RAB28: variants seen among roughly 807,000 people sequenced by gnomAD.
The protein encoded by RAB28 is RAB28, member RAS oncogene family.
In RAB28, 24 loss-of-function variants were observed where a neutral mutation model predicts 31.7. That is an observed-to-expected ratio of 0.76 (90% CI 0.55 to 1.06). The LOEUF (loss-of-function observed/expected upper bound fraction) is 1.06. RAB28 is among the 50% of genes least tolerant of loss of function. RAB28 has a pLI of 0.00. For missense variants in RAB28, 254 were observed against 258.5 expected, an observed-to-expected ratio of 0.98 and a Z score of 0.12; for synonymous variants, 100 against 90.4, an observed-to-expected ratio of 1.11 and a Z score of -0.60.
intron 4 of RAB28, among the ~76,000 whole-genome samples, chr4:13,382,730 GCACTGT>G (rs1729187050): frequency 3.5e-5 from 4 of 114,002 alleles, no homozygotes; most frequent in Non-Finnish European, 6.7e-5. Context: ...ACAGAGTCTT[GCACTGT>G]CACCCGGGCT....
chr4:13,455,614 C>T (rs143051994), intron 4 of RAB28, among the ~76,000 whole-genome samples: 3 of 152,380 alleles, frequency 2.0e-5, no homozygotes, highest in Admixed American at 6.5e-5. Flanking sequence ...GCTTGACTCA[C>T]AAGGCGTGGG....
chr4:13,371,896 T>C (rs977076137), intron 6 of RAB28: 1 of 1,490,034 alleles, frequency 6.7e-7, no homozygotes, highest in Non-Finnish European at 9.2e-7. Context: ...TATGGGTGAA[T>C]ACAAGCTTAA....
chr4:13,474,718 C>T (rs1055352625), intron 2 of RAB28, among the ~76,000 whole-genome samples: 5 of 151,610 alleles, frequency 3.3e-5, no homozygotes, highest in East Asian at 3.9e-4. Flanking sequence ...TCTTAGAGAA[C>T]AGAATGAAGC....
intron 4 of RAB28, among the ~76,000 whole-genome samples, chr4:13,386,464 C>G (rs1376502039): frequency 6.6e-6 from 1 of 152,030 alleles, no homozygotes; most frequent in Non-Finnish European, 1.5e-5. Context: ...ACAGATACTT[C>G]TCAAAAGAAG....
rs1422783287 is a variant in RAB28, at chr4:13,458,031, G to GA, written c.391+2667dup. On this transcript the variant is annotated intron_variant, in intron 4 of 6. Coordinates refer to ENST00000330852, the MANE Select transcript of RAB28 (RefSeq NM_001017979.3). ...CAACTAAAATGAGAAGCTGAACCCA[G>GA]AAACAGAACGTAAGCTCATCAAAAC... Among the ~76,000 whole-genome samples the GA allele has an allele frequency of 2.6e-5, 4 of 152,080 alleles. No individual in the cohort carries two copies. The East Asian group carries it at 7.7e-4, about 29-fold the overall frequency.
chr4:13,376,911 AC>A (rs1193906781), intron 5 of RAB28, among the ~76,000 whole-genome samples: 1 of 152,190 alleles, frequency 6.6e-6, no homozygotes, highest in Non-Finnish European at 1.5e-5. Flanking sequence ...ACTTTAAAAA[AC>A]AACAAAACAA....
chr4:13,455,262 T>C lies in RAB28; in HGVS notation c.391+5437A>G, dbSNP rs554682332. Among the ~76,000 whole-genome samples, 10 of 152,296 alleles carry C rather than the reference T, an allele frequency of 6.6e-5. No homozygotes were observed. The South Asian group carries it at 2.1e-3, about 32-fold the overall frequency. ...TAGCCACTCTACCAGCCTGAGGGTA[T>C]GTAAGCCACTCAGTGGTTCAAGGAT... On this transcript the variant is annotated intron_variant, in intron 4 of 6. Transcript: ENST00000330852.
At chr4:13,454,697 CTCAGG>C (rs1452106823) in intron 4 of RAB28, among the ~76,000 whole-genome samples, 1 of 152,192 alleles carries the variant, frequency 6.6e-6, no homozygotes, top group Non-Finnish European at 1.5e-5. Flanking sequence ...TGGGCTGTTT[CTCAGG>C]TCAGGGTGCA....
intron 4 of RAB28, chr4:13,459,984 A>T (rs1715505279): frequency 9.3e-7 from 1 of 1,076,226 alleles, no homozygotes; most frequent in East Asian, 5.9e-5. Context: ...GGAATTGACC[A>T]AAGCAGCGGA....
At chr4:13,390,685 T>C (rs1729587471) in intron 4 of RAB28, among the ~76,000 whole-genome samples, 1 of 151,356 alleles carries the variant, frequency 6.6e-6, no homozygotes. Context: ...CAAAACAACA[T>C]GGTACTACTA....
intron 4 of RAB28, among the ~76,000 whole-genome samples, chr4:13,438,707 T>C (rs1243561523): frequency 1.3e-5 from 2 of 152,240 alleles, no homozygotes; most frequent in African/African-American, 4.8e-5. Flanking sequence ...TAGGCTACTA[T>C]GAATAATGTT....
chr4:13,382,060 C>A (rs571070892), intron 4 of RAB28, among the ~76,000 whole-genome samples: 208 of 152,306 alleles, frequency 1.4e-3, no homozygotes, highest in African/African-American at 4.7e-3. Flanking sequence ...AATGTTAGCA[C>A]AAATACATAA....
At position 13,381,573 on chromosome 4, in the gene RAB28, G is replaced by T. The variant is rs1270930450; in HGVS notation, c.413C>A (p.Thr138Lys). The T allele has an allele frequency of 1.2e-6, 2 of 1,612,876 alleles. No homozygotes were observed. Among genetic ancestry groups the T allele is most frequent in the Non-Finnish European group, 8.5e-7 (1 of 1,179,308 alleles). The change falls in exon 5 of 7, where the codon ACA (threonine) becomes AAA (lysine). Residue 138 changes from threonine (T) to lysine (K), a missense_variant. Coordinates refer to ENST00000330852, the MANE Select transcript of RAB28 (RefSeq NM_001017979.3). ...CCGTAAGTGTTTTTCAGGTTTTATT[G>T]TTCGCATATGCTCCAAATCAACTAG... The part of the protein sequence containing the change: ...GNKIDLEHMR[T>K]IKPEKHLRFC...
At chr4:13,416,683 T>A (rs958168725) in intron 4 of RAB28, among the ~76,000 whole-genome samples, 3 of 152,230 alleles carry the variant, frequency 2.0e-5, no homozygotes, top group African/African-American at 7.2e-5. Flanking sequence ...GAAGTAATGG[T>A]AATATTCTAT....
At chr4:13,396,380 T>A (rs1300759796) in intron 4 of RAB28, among the ~76,000 whole-genome samples, 1 of 152,068 alleles carries the variant, frequency 6.6e-6, no homozygotes, top group African/African-American at 2.4e-5. Flanking sequence ...TTGTTATTAG[T>A]TGAAGACAGA....
At chr4:13,384,337 G>A (rs1729267663) in intron 4 of RAB28, among the ~76,000 whole-genome samples, 1 of 152,182 alleles carries the variant, frequency 6.6e-6, no homozygotes, top group Non-Finnish European at 1.5e-5. Flanking sequence ...GCACCTGCTA[G>A]CACCCTGCTG....
At chr4:13,446,438 A>G (rs1714702390) in intron 4 of RAB28, among the ~76,000 whole-genome samples, 1 of 152,210 alleles carries the variant, frequency 6.6e-6, no homozygotes, top group Non-Finnish European at 1.5e-5. Flanking sequence ...CCTGCTGCTC[A>G]GTGCCTGTCC....
intron 3 of RAB28, among the ~76,000 whole-genome samples, chr4:13,471,758 G>A (rs1488151663): frequency 6.6e-6 from 1 of 151,892 alleles, no homozygotes; most frequent in African/African-American, 2.4e-5. Flanking sequence ...CAGAAATACT[G>A]TACTAAATTA....
intron 4 of RAB28, among the ~76,000 whole-genome samples, chr4:13,439,246 G>A (rs776460027): frequency 1.8e-4 from 28 of 152,038 alleles, no homozygotes; most frequent in Non-Finnish European, 3.1e-4. Context: ...GTCCTTTGAC[G>A]CACACAAATT....
Sources: allele counts gnomAD v4.1 joint callset (sites outside exome capture counted in the v4.1 genomes callset), GRCh38; gene constraint gnomAD v4.1.1; transcripts MANE v1.5; gene names NCBI Gene and HGNC (gene_info 2026-07-23, HGNC 2026-07-21).